The following IMMP2L variants were observed in gnomAD, a reference collection of about 807,000 sequenced individuals.
IMMP2L encodes mitochondrial inner membrane protease subunit 2.
IMMP2L carries 18 observed loss-of-function variants against 19.3 expected under a neutral mutation model. The ratio of observed to expected loss-of-function variants is 0.93; its 90% CI spans 0.64 to 1.38. IMMP2L has a LOEUF of 1.38. IMMP2L is among the 40% of genes most tolerant of loss of function. The probability of loss-of-function intolerance (pLI) is 0.00; values close to 1 mark genes in which losing one functional copy is unlikely to be tolerated. For missense variants in IMMP2L, 233 were observed against 218.2 expected (o/e 1.07, Z -0.43); for synonymous variants, 76 against 73.0 (o/e 1.04, Z -0.21).
intron 3 of IMMP2L, among the ~76,000 whole-genome samples, chr7:111,414,096 C>A (rs1406270092): frequency 6.6e-6 from 1 of 151,734 alleles, no homozygotes; most frequent in African/African-American, 2.4e-5. Flanking sequence ...TTGCAGTGAA[C>A]TTGACCCCCT....
chr7:111,400,308 G>C lies in IMMP2L; in HGVS notation c.239+86930C>G, dbSNP rs148714881. On this transcript the variant is annotated intron_variant, in intron 3 of 5. Transcript: ENST00000405709. ...CTGCCAGTGACTAACGATTGCAACA[G>C]TGAATAAGTCACTTAACATTTTAGA... 2.0e-3 allele frequency among the ~76,000 whole-genome samples: 312 copies of C among 152,234 alleles called. 5 individuals carry two copies. The highest frequency in any genetic ancestry group is 7.1e-3 in the African/African-American group (294 of 41,550).
chr7:111,066,331 T>C (rs1373350741), intron 3 of IMMP2L, among the ~76,000 whole-genome samples: 2 of 152,024 alleles, frequency 1.3e-5, no homozygotes, highest in Non-Finnish European at 2.9e-5. Context: ...CAGGAAAAAG[T>C]AGGCCTTCAA....
At chr7:111,098,031 A>T (rs1797588566) in intron 3 of IMMP2L, among the ~76,000 whole-genome samples, 1 of 151,848 alleles carries the variant, frequency 6.6e-6, no homozygotes, top group African/African-American at 2.4e-5. Flanking sequence ...ACAGAACAGA[A>T]TGGAAAGAGC....
chr7:110,845,247 T>C (rs1805548867), intron 5 of IMMP2L, among the ~76,000 whole-genome samples: 1 of 152,188 alleles, frequency 6.6e-6, no homozygotes, highest in Non-Finnish European at 1.5e-5. Flanking sequence ...ATTAGGTTAA[T>C]GTTTATTTAT....
intron 5 of IMMP2L, among the ~76,000 whole-genome samples, chr7:110,859,433 A>AT (rs1349514916): frequency 6.6e-6 from 1 of 151,844 alleles, no homozygotes; most frequent in African/African-American, 2.4e-5. Flanking sequence ...ACAAATATTG[A>AT]TTTTTTGTTA....
intron 3 of IMMP2L, among the ~76,000 whole-genome samples, chr7:111,029,691 G>T (rs1041673243): frequency 1.3e-5 from 2 of 152,094 alleles, no homozygotes; most frequent in Non-Finnish European, 2.9e-5. Context: ...AAAATGAAAT[G>T]ACTGTTATAG....
intron 3 of IMMP2L, among the ~76,000 whole-genome samples, chr7:111,471,282 G>T (rs989686617): frequency 6.6e-6 from 1 of 152,028 alleles, no homozygotes; most frequent in Non-Finnish European, 1.5e-5. Flanking sequence ...AAAATGTACT[G>T]ATTTACCCGC....
At chr7:111,443,233 C>G (rs979639774) in intron 3 of IMMP2L, among the ~76,000 whole-genome samples, 1 of 151,818 alleles carries the variant, frequency 6.6e-6, no homozygotes, top group Admixed American at 6.6e-5. Context: ...CATGATATAT[C>G]AGAGACAATA....
chr7:110,814,243 A>T (rs1802273239), intron 5 of IMMP2L, among the ~76,000 whole-genome samples: 1 of 151,936 alleles, frequency 6.6e-6, no homozygotes. Context: ...AATGGTGTAT[A>T]ATGTTTTTAT....
chr7:110,777,153 T>C (rs1157377526), intron 5 of IMMP2L, among the ~76,000 whole-genome samples: 2 of 151,968 alleles, frequency 1.3e-5, no homozygotes, highest in African/African-American at 4.8e-5. Flanking sequence ...GGCCTTCTTA[T>C]CATTGGCACA....
chr7:111,552,658 G>A (rs1233241720), intron 1 of IMMP2L, among the ~76,000 whole-genome samples: 1 of 152,142 alleles, frequency 6.6e-6, no homozygotes, highest in African/African-American at 2.4e-5. Flanking sequence ...GAAACTCAAA[G>A]CAATCCTATG....
intron 5 of IMMP2L, among the ~76,000 whole-genome samples, chr7:110,807,102 T>C (rs2131249693): frequency 6.6e-6 from 1 of 152,160 alleles, no homozygotes; most frequent in Admixed American, 6.5e-5. Flanking sequence ...GTTCTGGCTC[T>C]TAGTTTTAAA....
chr7:111,290,609 G>C (rs930826542), intron 3 of IMMP2L, among the ~76,000 whole-genome samples: 6 of 151,946 alleles, frequency 3.9e-5, no homozygotes, highest in Non-Finnish European at 7.4e-5. Context: ...TCCTATTTCT[G>C]TCAAGCAAGG....
intron 3 of IMMP2L, among the ~76,000 whole-genome samples, chr7:111,360,021 T>C (rs1342293916): frequency 6.6e-6 from 1 of 152,152 alleles, no homozygotes; most frequent in Non-Finnish European, 1.5e-5. Flanking sequence ...TTTTTCAGTA[T>C]AACATCTGTT....
chr7:111,019,679 G>C (rs1165443134), intron 3 of IMMP2L, among the ~76,000 whole-genome samples: 4 of 152,292 alleles, frequency 2.6e-5, no homozygotes, highest in East Asian at 1.9e-4. Flanking sequence ...CTCCTGCCTA[G>C]AGAGTTAAAA....
chr7:111,217,896 C>G (rs1340217860), intron 3 of IMMP2L, among the ~76,000 whole-genome samples: 1 of 151,912 alleles, frequency 6.6e-6, no homozygotes, highest in Non-Finnish European at 1.5e-5. Flanking sequence ...GATTAGATCT[C>G]TACTATGAAT....
chr7:110,752,885 A>T (rs1797807240), intron 5 of IMMP2L, among the ~76,000 whole-genome samples: 1 of 152,078 alleles, frequency 6.6e-6, no homozygotes, highest in Admixed American at 6.6e-5. Context: ...GATTTGAGGG[A>T]ACAAATAAAT....
chr7:111,528,710 GA>G (rs1375151881), intron 1 of IMMP2L, among the ~76,000 whole-genome samples: 1 of 152,118 alleles, frequency 6.6e-6, no homozygotes, highest in Non-Finnish European at 1.5e-5. Flanking sequence ...CAACCAGGTG[GA>G]TAAATCCACC....
intron 3 of IMMP2L, among the ~76,000 whole-genome samples, chr7:111,212,850 A>G (rs1382002507): frequency 1.3e-5 from 2 of 152,148 alleles, no homozygotes; most frequent in Non-Finnish European, 2.9e-5. Context: ...TGCCCACTGC[A>G]TTTCCCATCT....
Sources: allele counts gnomAD v4.1 joint callset (sites outside exome capture counted in the v4.1 genomes callset), GRCh38; gene constraint gnomAD v4.1.1; transcripts MANE v1.5; gene names NCBI Gene and HGNC (gene_info 2026-07-23, HGNC 2026-07-21).